The following NRXN3 variants were observed in gnomAD, a reference collection of about 807,000 sequenced individuals.
NRXN3 encodes the protein neurexin 3.
A neutral mutation model predicts 137.6 loss-of-function variants in NRXN3; 32 were observed. The observed-to-expected ratio is 0.23, with a 90% CI of 0.18 to 0.31. NRXN3 has a LOEUF of 0.31. Ranked by LOEUF, NRXN3 falls within the 10% of genes least tolerant of loss-of-function variation. NRXN3 has a pLI of 1.00. For missense variants in NRXN3, 1,574 were observed against 2,062.5 expected (o/e 0.76, Z 4.59); for synonymous variants, 798 against 784.5 (o/e 1.02, Z -0.29).
chr14:78,511,160 A>G (rs1430516147), intron 4 of NRXN3, among the ~76,000 whole-genome samples: 10 of 152,102 alleles, frequency 6.6e-5, no homozygotes, highest in African/African-American at 1.2e-4. Context: ...AGCAGCAGCA[A>G]CAACAACAAC....
intron 15 of NRXN3, among the ~76,000 whole-genome samples, chr14:79,371,213 A>T (rs1385041053): frequency 1.3e-5 from 2 of 152,014 alleles, no homozygotes; most frequent in Non-Finnish European, 2.9e-5. Flanking sequence ...CATTGTCCAC[A>T]TTTTTTTTCT....
At chr14:78,370,042 C>T (rs2086575950) in intron 4 of NRXN3, among the ~76,000 whole-genome samples, 2 of 152,046 alleles carry the variant, frequency 1.3e-5, no homozygotes, top group Admixed American at 6.6e-5. Flanking sequence ...GGTCACTGCT[C>T]ATTTATCACC....
Position 78,810,362 on chromosome 14 carries a change from T to C in NRXN3, c.2275+18T>C. ...TAACTCCAGTAAGTTTTCCCTCAAG[T>C]TTCATTTTGTTCTTTAAAAAAAAAA... On this transcript the variant is annotated intron_variant, in intron 10 of 20. Coordinates refer to ENST00000335750, the MANE Select transcript of NRXN3 (RefSeq NM_001330195.2). 7.3e-7 allele frequency: 1 copy of C among 1,374,158 alleles called. No individual in the cohort carries two copies. Among genetic ancestry groups the C allele is most frequent in the Non-Finnish European group, 9.9e-7 (1 of 1,014,592 alleles). 85.1% of individuals were successfully genotyped at this position (1,374,158 alleles called of 1,614,324 possible).
intron 15 of NRXN3, among the ~76,000 whole-genome samples, chr14:79,114,651 C>T (rs1019891962): frequency 6.6e-6 from 1 of 152,132 alleles, no homozygotes; most frequent in South Asian, 2.1e-4. Flanking sequence ...CATGCACATA[C>T]TGGATTCCTT....
At chr14:79,319,171 A>G (rs1377787103) in intron 15 of NRXN3, among the ~76,000 whole-genome samples, 1 of 152,208 alleles carries the variant, frequency 6.6e-6, no homozygotes, top group Non-Finnish European at 1.5e-5. Flanking sequence ...CTTGGAATCC[A>G]CATTCCCTTT....
At chr14:79,134,393 G>T (rs924703414) in intron 15 of NRXN3, among the ~76,000 whole-genome samples, 1 of 152,162 alleles carries the variant, frequency 6.6e-6, no homozygotes, top group Admixed American at 6.5e-5. Flanking sequence ...AAAATGGTAA[G>T]AGACTATCTT....
At chr14:79,164,840 C>T (rs921403087) in intron 15 of NRXN3, among the ~76,000 whole-genome samples, 4 of 151,966 alleles carry the variant, frequency 2.6e-5, no homozygotes, top group African/African-American at 7.2e-5. Context: ...TGGTTTCTTT[C>T]TCTAGACAAG....
chr14:78,355,934 C>T (rs1385237496), intron 4 of NRXN3, among the ~76,000 whole-genome samples: 1 of 152,202 alleles, frequency 6.6e-6, no homozygotes, highest in Non-Finnish European at 1.5e-5. Context: ...TTCATTGTAG[C>T]ATTCAGGTTT....
chr14:78,676,850 C>T (rs1031950683), intron 6 of NRXN3, among the ~76,000 whole-genome samples: 4 of 151,976 alleles, frequency 2.6e-5, no homozygotes, highest in Non-Finnish European at 5.9e-5. Context: ...AATCCTAGGG[C>T]CCTAAGAATT....
chr14:79,477,947 A>T (rs1409541825), intron 16 of NRXN3, among the ~76,000 whole-genome samples: 1 of 152,002 alleles, frequency 6.6e-6, no homozygotes, highest in Non-Finnish European at 1.5e-5. Flanking sequence ...TAAGTAAAAC[A>T]GATAAGAGTT....
At chr14:79,330,034 G>T (rs775857710) in intron 15 of NRXN3, among the ~76,000 whole-genome samples, 2 of 152,000 alleles carry the variant, frequency 1.3e-5, no homozygotes, top group African/African-American at 2.4e-5. Flanking sequence ...GTTTCATCAT[G>T]TTGGCCAGGA....
At chr14:79,361,390 T>C (rs531202989) in intron 15 of NRXN3, among the ~76,000 whole-genome samples, 4 of 152,234 alleles carry the variant, frequency 2.6e-5, no homozygotes, top group Non-Finnish European at 2.9e-5. Context: ...GAATGCTTTC[T>C]CCCTTCCTCT....
chr14:78,818,895 T>C (rs910028030), intron 10 of NRXN3, among the ~76,000 whole-genome samples: 5 of 152,200 alleles, frequency 3.3e-5, no homozygotes, highest in African/African-American at 1.2e-4. Context: ...CTCAGATGTA[T>C]GTATCTCTAA....
rs1437144868 is a variant in NRXN3 at position 79,776,337 on chromosome 14, T to A, written c.4015-28775T>A. On this transcript the variant is annotated intron_variant, in intron 19 of 20. Coordinates refer to ENST00000335750, the MANE Select transcript of NRXN3 (RefSeq NM_001330195.2). Reference sequence around the variant, plus strand: ...TATCTGGCAAGGGCTGGGCTCTCAATAAATATTGACCAAATTGAGGCTGTA... The same window carrying A: ...TATCTGGCAAGGGCTGGGCTCTCAAAAAATATTGACCAAATTGAGGCTGTA... 5.3e-5 allele frequency among the ~76,000 whole-genome samples: 8 copies of A among 152,330 alleles called. No homozygotes were observed. The East Asian group carries it at 1.5e-3, about 29-fold the overall frequency.
chr14:79,763,013 C>T lies in NRXN3; in HGVS notation c.4015-42099C>T, dbSNP rs146572869. Among the ~76,000 whole-genome samples the T allele has an allele frequency of 6.0e-3, 914 of 151,382 alleles. 7 individuals are homozygous for T. Among genetic ancestry groups the T allele is most frequent in the Non-Finnish European group, 0.01 (702 of 67,996 alleles). ...AGGTATTTTTCCTAATGCTATCCCT[C>T]CCCTAGCCTCCCACCCCCTGACAGG... On this transcript the variant is annotated intron_variant, in intron 19 of 20. Transcript: ENST00000335750.
At chr14:79,266,615 G>A (rs1163939760) in intron 15 of NRXN3, among the ~76,000 whole-genome samples, 1 of 152,152 alleles carries the variant, frequency 6.6e-6, no homozygotes, top group Non-Finnish European at 1.5e-5. Flanking sequence ...GTTTGGGAGT[G>A]AAGACTGGAG....
chr14:79,138,198 C>T (rs1053803791), intron 15 of NRXN3, among the ~76,000 whole-genome samples: 1 of 152,132 alleles, frequency 6.6e-6, no homozygotes, highest in African/African-American at 2.4e-5. Flanking sequence ...CTCTGTCACC[C>T]AGGCTGAAGT....
At chr14:78,835,259 C>T (rs557419457) in intron 10 of NRXN3, among the ~76,000 whole-genome samples, 1 of 152,312 alleles carries the variant, frequency 6.6e-6, no homozygotes, top group Admixed American at 6.5e-5. Flanking sequence ...GACAGCTCTG[C>T]TTGCAGCCAC....
chr14:78,921,174 T>A (rs2099270071), intron 10 of NRXN3, among the ~76,000 whole-genome samples: 1 of 152,158 alleles, frequency 6.6e-6, no homozygotes. Context: ...AGAAGACTAT[T>A]CCTTCAGAAG....
Sources: gnomAD v4.1 joint callset for allele counts (sites outside exome capture counted in the v4.1 genomes callset) on GRCh38, gnomAD v4.1.1 for gene constraint, MANE v1.5 for transcripts, NCBI Gene and HGNC (gene_info 2026-07-23, HGNC 2026-07-21) for gene names.